GALNT13: variants seen among roughly 807,000 people sequenced by gnomAD.
GALNT13 encodes the protein polypeptide N-acetylgalactosaminyltransferase 13.
In GALNT13, 28 loss-of-function variants were observed where a neutral mutation model predicts 64.2. The ratio of observed to expected loss-of-function variants is 0.44; its 90% confidence interval spans 0.32 to 0.60. The LOEUF is 0.60. GALNT13 is among the 20% of genes least tolerant of loss of function. The pLI, the probability that GALNT13 is intolerant of heterozygous loss-of-function variation, is 0.05. For synonymous variants in GALNT13, 214 were observed against 224.6 expected (o/e 0.95, Z 0.42); for missense variants, 577 against 669.8 (o/e 0.86, Z 1.53).
chr2:154,111,023 G>A (rs1025293810), intron 3 of GALNT13, among the ~76,000 whole-genome samples: 2 of 152,128 alleles, frequency 1.3e-5, no homozygotes, highest in Admixed American at 1.3e-4. Context: ...AAAATGAAAT[G>A]AAGATATTTT....
intron 2 of GALNT13, among the ~76,000 whole-genome samples, chr2:153,906,344 A>G (rs1048762312): frequency 2.0e-5 from 3 of 150,214 alleles, no homozygotes; most frequent in African/African-American, 4.9e-5. Flanking sequence ...TGCTGCACCT[A>G]TTAACTCATC....
chr2:153,860,888 T>C, the GALNT13 span, among the ~76,000 whole-genome samples: 1 of 152,174 alleles, frequency 6.6e-6, no homozygotes, highest in Admixed American at 6.5e-5. Context: ...GAGTAGTAAT[T>C]AGGTCTAGGA....
the GALNT13 span, among the ~76,000 whole-genome samples, chr2:153,198,007 A>G: frequency 3.9e-5 from 6 of 152,022 alleles, no homozygotes; most frequent in African/African-American, 1.4e-4. Context: ...CCCTGCTTGT[A>G]AGGTTCTGTG....
chr2:153,861,904 G>T, the GALNT13 span, among the ~76,000 whole-genome samples: 2 of 152,098 alleles, frequency 1.3e-5, no homozygotes, highest in Non-Finnish European at 2.9e-5. Flanking sequence ...ATGCCTAGAG[G>T]CCATGACACT....
At chr2:153,476,413 G>A in the GALNT13 span, among the ~76,000 whole-genome samples, 1 of 152,156 alleles carries the variant, frequency 6.6e-6, no homozygotes, top group Non-Finnish European at 1.5e-5. Context: ...TTATAGTCTT[G>A]AAAATATTTA....
chr2:153,089,587 C>A, the GALNT13 span, among the ~76,000 whole-genome samples: 5 of 152,212 alleles, frequency 3.3e-5, no homozygotes, highest in South Asian at 1.0e-3. Flanking sequence ...TTTCATACTT[C>A]TCTTTTTCCT....
At chr2:153,723,072 G>A in the GALNT13 span, among the ~76,000 whole-genome samples, 83 of 150,456 alleles carry the variant, frequency 5.5e-4, no homozygotes, top group Admixed American at 2.4e-3. Flanking sequence ...CTGGCAAACC[G>A]AATCCAGCAG....
chr2:153,860,557 T>C, the GALNT13 span, among the ~76,000 whole-genome samples: 1 of 152,196 alleles, frequency 6.6e-6, no homozygotes, highest in South Asian at 2.1e-4. Context: ...ATCAGTTGAC[T>C]TCTATCCATA....
At chr2:154,341,130 G>T (rs934018744) in intron 9 of GALNT13, among the ~76,000 whole-genome samples, 2 of 152,026 alleles carry the variant, frequency 1.3e-5, no homozygotes, top group Non-Finnish European at 2.9e-5. Context: ...TTTAAAGTCT[G>T]CACTAGCTTT....
intron 4 of GALNT13, among the ~76,000 whole-genome samples, chr2:154,156,977 C>G (rs549258645): frequency 1.3e-5 from 2 of 152,134 alleles, no homozygotes; most frequent in African/African-American, 2.4e-5. Context: ...GCTGACTTGT[C>G]TTAAGTTAAA....
the GALNT13 span, among the ~76,000 whole-genome samples, chr2:153,155,387 C>G: frequency 1.4e-4 from 21 of 152,240 alleles, 1 homozygote; most frequent in South Asian, 3.5e-3. Flanking sequence ...TTCATTACTG[C>G]CTCAATTTCA....
the GALNT13 span, among the ~76,000 whole-genome samples, chr2:153,464,094 G>C: frequency 6.6e-6 from 1 of 152,050 alleles, no homozygotes; most frequent in Non-Finnish European, 1.5e-5. Flanking sequence ...GGTACCTGAA[G>C]ATCAATCAGA....
At chr2:153,223,477 G>A in the GALNT13 span, among the ~76,000 whole-genome samples, 1 of 152,080 alleles carries the variant, frequency 6.6e-6, no homozygotes, top group Non-Finnish European at 1.5e-5. Context: ...ATCATACGAA[G>A]TATGTTATGA....
the GALNT13 span, among the ~76,000 whole-genome samples, chr2:153,724,609 G>GA: frequency 8.6e-6 from 1 of 116,918 alleles, no homozygotes; most frequent in African/African-American, 4.0e-5. Context: ...AAATTTACAA[G>GA]AAAAAAACAA....
Position 154,409,059 on chromosome 2 carries a change from T to C in GALNT13, c.1372T>C (p.Cys458Arg). ...KENEKVGIFNCHGMGGNQVFS... is the reference protein window; with the variant it reads ...KENEKVGIFNRHGMGGNQVFS... ...AAATGAAAAAGTGGGTATATTCAAC[T>C]GTCATGGTATGGGAGGAAATCAGGT... Residue 458 changes from cysteine (C) to arginine (R), a missense_variant, in exon 11 of 13, where the codon TGT becomes CGT. Cys to Arg is a radical substitution (Grantham distance 180). This residue lies in a region of GALNT13 where 232 missense variants were observed against 270.6 expected (regional missense o/e 0.86). Coordinates refer to ENST00000392825, the MANE Select transcript of GALNT13 (RefSeq NM_052917.4). 6.2e-7 allele frequency: 1 copy of C among 1,607,570 alleles called. No homozygotes were observed. Among genetic ancestry groups the C allele is most frequent in the Non-Finnish European group, 8.5e-7 (1 of 1,174,586 alleles).
At chr2:154,057,516 G>A (rs114670592) in intron 3 of GALNT13, among the ~76,000 whole-genome samples, 130 of 152,142 alleles carry the variant, frequency 8.5e-4, no homozygotes, top group African/African-American at 2.9e-3. Flanking sequence ...TATAATAGCC[G>A]TTGCCCTGGA....
At chr2:153,650,971 C>A in the GALNT13 span, among the ~76,000 whole-genome samples, 13 of 152,082 alleles carry the variant, frequency 8.5e-5, no homozygotes, top group Non-Finnish European at 2.9e-5. Flanking sequence ...TATCTGATTG[C>A]TGTGAGAGAA....
the GALNT13 span, among the ~76,000 whole-genome samples, chr2:153,377,463 G>A: frequency 1.3e-5 from 2 of 151,944 alleles, no homozygotes; most frequent in Non-Finnish European, 2.9e-5. Flanking sequence ...AATAGATTGA[G>A]GCCCTTGCTA....
chr2:153,225,117 A>T, the GALNT13 span, among the ~76,000 whole-genome samples: 1 of 152,238 alleles, frequency 6.6e-6, no homozygotes, highest in Non-Finnish European at 1.5e-5. Flanking sequence ...AACAATGTGT[A>T]ACAAGAACTA....
Sources: gnomAD v4.1 joint callset for allele counts (sites outside exome capture counted in the v4.1 genomes callset) on GRCh38, gnomAD v4.1.1 for gene constraint, gnomAD v4.1.1 regional missense constraint, MANE v1.5 for transcripts, NCBI Gene and HGNC (gene_info 2026-07-23, HGNC 2026-07-21) for gene names.